The following DCAF1 variants were observed in gnomAD, a reference collection of about 807,000 sequenced individuals.
DCAF1 encodes DDB1 and CUL4 associated factor 1, also known as DDB1- and CUL4-associated factor 1.
A neutral mutation model predicts 128.0 loss-of-function variants in DCAF1; 15 were observed. That is an observed-to-expected ratio of 0.12 (90% CI 0.08 to 0.18). The LOEUF is 0.18. Among genes scored for constraint, DCAF1 ranks in the 10% least tolerant of loss-of-function variants. The probability of loss-of-function intolerance (pLI) is 1.00; values close to 1 mark genes in which losing one functional copy is unlikely to be tolerated. For synonymous variants in DCAF1, 610 were observed against 603.0 expected, an observed-to-expected ratio of 1.01 and a Z score of -0.17; for missense variants, 988 against 1,649.5, an observed-to-expected ratio of 0.60 and a Z score of 6.95.
At chr3:51,488,117 G>A (rs1421306078) in intron 2 of DCAF1, among the ~76,000 whole-genome samples, 2 of 151,698 alleles carry the variant, frequency 1.3e-5, no homozygotes, top group South Asian at 2.1e-4. Context: ...CGCCTGCCTC[G>A]GCATCCCAAA....
At chr3:51,466,253 T>A (rs1704116219) in intron 5 of DCAF1, among the ~76,000 whole-genome samples, 1 of 152,092 alleles carries the variant, frequency 6.6e-6, no homozygotes, top group Non-Finnish European at 1.5e-5. Flanking sequence ...TTGAAGAGGC[T>A]TAAGTCTGTC....
At position 51,449,523 on chromosome 3, in the gene DCAF1, C is replaced by T. The variant is rs556740327; in HGVS notation, c.376-5620G>A. 1.4e-4 allele frequency among the ~76,000 whole-genome samples: 22 copies of T among 152,192 alleles called. No individual in the cohort carries two copies. The South Asian group carries it at 4.6e-3, about 32-fold the overall frequency. ...TGCCCGGCCAGAATGATATTTATAG[C>T]TGCAAACACATGCAATTAAAAAAGA... On this transcript the variant is annotated intron_variant, in intron 6 of 24. Transcript: ENST00000684031.
At chr3:51,444,085 C>T (rs1036990098) in intron 6 of DCAF1, among the ~76,000 whole-genome samples, 182 bp from the exon 7 acceptor site, 1 of 152,166 alleles carries the variant, frequency 6.6e-6, no homozygotes, top group Non-Finnish European at 1.5e-5. Context: ...GCAATAGAAG[C>T]CTATTCAGCC....
rs1242794050 is a variant in DCAF1 at position 51,397,879 on chromosome 3, T to A, written c.*890A>T. 7.2e-5 allele frequency: 12 copies of A among 166,886 alleles called. No individual in the cohort carries two copies. Among genetic ancestry groups the A allele is most frequent in the African/African-American group, 2.7e-4 (11 of 41,454 alleles). 10.3% of individuals were successfully genotyped at this position (166,886 alleles called of 1,614,324 possible). On this transcript the variant is annotated 3_prime_UTR_variant, in exon 25 of 25. Transcript: ENST00000684031. Reference sequence around the variant, plus strand: ...CTTGTAGTTTATTTTGTATTTTTTTTAAATAAATACACTTTACATTAAAGA... The same window carrying A: ...CTTGTAGTTTATTTTGTATTTTTTTAAAATAAATACACTTTACATTAAAGA...
At chr3:51,423,596 T>A (rs1699629419) in intron 13 of DCAF1, among the ~76,000 whole-genome samples, 1 of 151,448 alleles carries the variant, frequency 6.6e-6, no homozygotes, top group African/African-American at 2.4e-5. Flanking sequence ...GGCAGGCGGA[T>A]GACCTGAGGT....
intron 3 of DCAF1, among the ~76,000 whole-genome samples, chr3:51,473,173 G>A (rs1704968215): frequency 6.6e-6 from 1 of 150,454 alleles, no homozygotes; most frequent in Non-Finnish European, 1.5e-5. Flanking sequence ...CTACTCAGGA[G>A]GCTGAGGCAG....
At chr3:51,484,794 T>C (rs2108439831) in intron 2 of DCAF1, among the ~76,000 whole-genome samples, 1 of 150,206 alleles carries the variant, frequency 6.7e-6, no homozygotes, top group Non-Finnish European at 1.5e-5. Context: ...GCAATTCTCC[T>C]GCCTCAGCCT....
chr3:51,455,387 T>C (rs1553642587), intron 6 of DCAF1, among the ~76,000 whole-genome samples: 4 of 148,578 alleles, frequency 2.7e-5, no homozygotes, highest in Non-Finnish European at 6.0e-5. Flanking sequence ...AGGAAGATGG[T>C]TTCAGCCCAG....
chr3:51,431,201 T>C (rs538821066), intron 10 of DCAF1, among the ~76,000 whole-genome samples: 1 of 152,182 alleles, frequency 6.6e-6, no homozygotes, highest in East Asian at 1.9e-4. Flanking sequence ...CACATACGTA[T>C]GTGTAACCCA....
At chr3:51,484,654 A>T (rs1179006585) in intron 2 of DCAF1, among the ~76,000 whole-genome samples, 2 of 151,524 alleles carry the variant, frequency 1.3e-5, no homozygotes, top group East Asian at 3.9e-4. Flanking sequence ...AAAGATAAAC[A>T]GCATGGCACA....
chr3:51,431,830 G>C lies in DCAF1; in HGVS notation c.1287+1276C>G, dbSNP rs1375784872. On this transcript the variant is annotated intron_variant, in intron 10 of 24. Coordinates refer to ENST00000684031, the MANE Select transcript of DCAF1 (RefSeq NM_001387579.1). ...AAAAAGAAGTACAAAAATTAGCCAGGTGTGGTGGTGCACGTCTGTGGTCCC... is the reference window on the plus strand; with the variant it reads ...AAAAAGAAGTACAAAAATTAGCCAGCTGTGGTGGTGCACGTCTGTGGTCCC... Among the ~76,000 whole-genome samples, 11 of 152,022 alleles carry C rather than the reference G, an allele frequency of 7.2e-5. No homozygotes were observed. The East Asian group carries it at 2.1e-3, about 29-fold the overall frequency.
intron 6 of DCAF1, among the ~76,000 whole-genome samples, chr3:51,453,312 T>C (rs1310060248): frequency 3.3e-5 from 5 of 152,136 alleles, no homozygotes; most frequent in African/African-American, 1.2e-4. Flanking sequence ...GATCTTTCAT[T>C]TGGGTCATAC....
chr3:51,409,666 C>T (rs529977296), intron 23 of DCAF1, among the ~76,000 whole-genome samples: 270 of 152,244 alleles, frequency 1.8e-3, no homozygotes, highest in Non-Finnish European at 3.1e-3. Context: ...GTAATGTACG[C>T]GCAAATGGCC....
chr3:51,438,951 C>A (rs1443425229), intron 9 of DCAF1, among the ~76,000 whole-genome samples: 1 of 152,118 alleles, frequency 6.6e-6, no homozygotes, highest in Non-Finnish European at 1.5e-5. Context: ...ATTTTAATGA[C>A]CTCATCTCTC....
chr3:51,400,567 G>T (rs958953554), intron 24 of DCAF1, among the ~76,000 whole-genome samples: 2 of 152,192 alleles, frequency 1.3e-5, no homozygotes, highest in African/African-American at 4.8e-5. Flanking sequence ...AGGTCTGAGA[G>T]AAAACCTCCA....
Position 51,463,225 on chromosome 3 carries a change from C to T in DCAF1, c.264G>A (p.Leu88=). 1 of 1,547,700 alleles carries T rather than the reference C, an allele frequency of 6.5e-7. No homozygotes were observed. The highest frequency in any genetic ancestry group is 1.4e-5 in the African/African-American group (1 of 71,932). Residue 88 remains leucine (L), a splice_region_variant and synonymous_variant, in exon 6 of 25, where the codon CTG becomes CTA. Coordinates refer to ENST00000684031, the MANE Select transcript of DCAF1 (RefSeq NM_001387579.1). ...LFKNDDFMNA[L]VNAYVMTSRE... is the part of the protein sequence containing the mutation. ...GGCTTGTCATCACATATGCATTCAC[C>T]AGCTGTAAAGAAAAAAAAGAAATAC...
upstream of DCAF1, among the ~76,000 whole-genome samples, chr3:51,501,571 G>A (rs375069055): frequency 1.0e-3 from 159 of 152,208 alleles, no homozygotes; most frequent in South Asian, 3.5e-3. Flanking sequence ...GCTCAGGCTC[G>A]ACAGCTAGTA....
intron 2 of DCAF1, 31 bp from the exon 3 acceptor site, chr3:51,483,867 C>T: frequency 6.8e-7 from 1 of 1,463,550 alleles, no homozygotes; most frequent in East Asian, 2.3e-5. Flanking sequence ...ATAAAAAAGA[C>T]AACCAATAAA....
At chr3:51,470,121 G>T (rs1553647970) in intron 4 of DCAF1, among the ~76,000 whole-genome samples, 1 of 152,178 alleles carries the variant, frequency 6.6e-6, no homozygotes, top group African/African-American at 2.4e-5. Flanking sequence ...AAGCGTCAAG[G>T]TTCCAAATAT....
Sources: allele counts gnomAD v4.1 joint callset (sites outside exome capture counted in the v4.1 genomes callset), GRCh38; gene constraint gnomAD v4.1.1; transcripts MANE v1.5; gene names NCBI Gene and HGNC (gene_info 2026-07-23, HGNC 2026-07-21).